The following ITGAE variants were observed in gnomAD, a reference collection of about 807,000 sequenced individuals.
ITGAE encodes the protein integrin alpha-E.
In ITGAE, 99 loss-of-function variants were observed where a neutral mutation model predicts 136.5. The observed-to-expected ratio is 0.73, with a 90% CI of 0.62 to 0.86. The LOEUF is 0.86. Among genes scored for constraint, ITGAE ranks in the 40% least tolerant of loss-of-function variants. The pLI, the probability that ITGAE is intolerant of heterozygous loss-of-function variation, is 0.00. For synonymous variants in ITGAE, 613 were observed against 591.8 expected, an observed-to-expected ratio of 1.04 and a Z score of -0.52; for missense variants, 1,447 against 1,515.3, an observed-to-expected ratio of 0.95 and a Z score of 0.75.
intron 2 of ITGAE, among the ~76,000 whole-genome samples, chr17:3,775,896 C>T (rs1193489768): frequency 6.6e-6 from 1 of 152,100 alleles, no homozygotes; most frequent in Non-Finnish European, 1.5e-5. Context: ...GTGGTGATCG[C>T]AATTCACACT....
At chr17:3,793,250 C>T (rs141715346) in intron 1 of ITGAE, among the ~76,000 whole-genome samples, 4,010 of 152,182 alleles carry the variant, frequency 0.026, 71 homozygotes, top group Non-Finnish European at 0.04. Flanking sequence ...GATGGGGTTT[C>T]GCCATATTGG....
At chr17:3,761,813 G>A (rs956639507) in intron 4 of ITGAE, 102 bp downstream of exon 4, 5 of 1,038,874 alleles carry the variant, frequency 4.8e-6, no homozygotes, top group East Asian at 2.5e-5. Context: ...ACTCAGCCTC[G>A]GGAACAGCAT....
rs113673714 is a variant in ITGAE, at chr17:3,749,215, T to C, written c.2024+1137A>G. Among the ~76,000 whole-genome samples the C allele has an allele frequency of 5.3e-3, 797 of 151,210 alleles. 9 individuals are homozygous for C. The highest frequency in any genetic ancestry group is 0.017 in the African/African-American group (686 of 41,176). On this transcript the variant is annotated intron_variant, in intron 16 of 30. Coordinates refer to ENST00000263087, the MANE Select transcript of ITGAE (RefSeq NM_002208.5). ...ACAGAAAGCCTGAGGGCAGGATAGA[T>C]TTGGGGGAATGAAGGGTGGGGGGAG...
At chr17:3,716,534 T>G (rs1323970987) in intron 30 of ITGAE, among the ~76,000 whole-genome samples, 154 bp downstream of exon 30, 1 of 152,222 alleles carries the variant, frequency 6.6e-6, no homozygotes, top group Non-Finnish European at 1.5e-5. Context: ...TTTACTCATT[T>G]GTCTAAATGG....
At chr17:3,746,054 C>CAT in intron 17 of ITGAE, 127 bp from the exon 18 acceptor site, 1 of 796,728 alleles carries the variant, frequency 1.3e-6, no homozygotes, top group Non-Finnish European at 2.0e-6. Context: ...TACTTCCCTG[C>CAT]GGCTGGACTC....
Position 3,758,901 on chromosome 17 carries a change from G to A in ITGAE, c.866+501C>T, listed in dbSNP as rs372823436. On this transcript the variant is annotated intron_variant, in intron 8 of 30. Transcript: ENST00000263087. ...AGCACTTTGGGAGGCCGAGGCGGGC[G>A]GATCACGAGGTCAGGAGATCGAGAC... 9.2e-5 allele frequency among the ~76,000 whole-genome samples: 14 copies of A among 151,672 alleles called. No homozygotes were observed. In the South Asian group the frequency reaches 2.3e-3, roughly 25 times the overall value.
In ITGAE at chr17:3,728,019, C is replaced by T. The variant is rs764764609; in HGVS notation, c.2984G>A (p.Gly995Glu). ...HHKEFLFHVH[G>E]ENLFGAEYQL... ...GTATTCTGCTCCAAAGAGGTTCTCCCCATGTACCTGCAAATTAAAATCAGA... is the reference window on the plus strand; with the variant it reads ...GTATTCTGCTCCAAAGAGGTTCTCCTCATGTACCTGCAAATTAAAATCAGA... Residue 995 changes from glycine to glutamate, a missense_variant, in exon 26 of 31, where the codon GGG (glycine) becomes GAG (glutamate). Physicochemically the swap from Gly to Glu is moderately conservative, Grantham distance 98. This residue lies in a region of ITGAE where 1,031 missense variants were observed against 1,011.4 expected (regional missense o/e 1.02). Coordinates refer to ENST00000263087, the MANE Select transcript of ITGAE (RefSeq NM_002208.5). 8.7e-6 allele frequency: 14 copies of T among 1,613,378 alleles called. No individual in the cohort carries two copies. The South Asian group carries it at 1.4e-4, about 16-fold the overall frequency.
At chr17:3,785,022 T>C (rs1200081098) in intron 1 of ITGAE, among the ~76,000 whole-genome samples, 2 of 152,070 alleles carry the variant, frequency 1.3e-5, no homozygotes, top group Non-Finnish European at 2.9e-5. Flanking sequence ...AATGGTGGCA[T>C]GCACCTATGG....
In ITGAE at chr17:3,723,755, A is replaced by T; in HGVS notation, c.3085-11T>A. On this transcript the variant is annotated splice_polypyrimidine_tract_variant and intron_variant, in intron 26 of 30. Coordinates refer to ENST00000263087, the MANE Select transcript of ITGAE (RefSeq NM_002208.5). The stretch of plus-strand genomic sequence containing the variant: ...GCACACCGTGGAGGCCTGAAACGAG[A>T]GCCATGACCGCGACGCGCTGAACAA... The T allele has an allele frequency of 6.2e-7, 1 of 1,606,868 alleles. No individual in the cohort carries two copies. The highest frequency in any genetic ancestry group is 1.7e-5 in the Admixed American group (1 of 58,854).
chr17:3,767,308 G>T (rs1018982724), intron 2 of ITGAE, among the ~76,000 whole-genome samples: 2 of 152,116 alleles, frequency 1.3e-5, no homozygotes, highest in Non-Finnish European at 1.5e-5. Flanking sequence ...ATGTTGGCCA[G>T]GCTGGTCTTG....
At chr17:3,727,802 A>G in intron 26 of ITGAE, 117 bp downstream of exon 26, 1 of 711,742 alleles carries the variant, frequency 1.4e-6, no homozygotes, top group Non-Finnish European at 2.5e-6. Context: ...TTTACTCCTA[A>G]TCTTTTCCCA....
At chr17:3,732,533 C>T (rs2051369406) in intron 21 of ITGAE, 67 bp from the exon 22 acceptor site, 3 of 1,318,412 alleles carry the variant, frequency 2.3e-6, no homozygotes, top group African/African-American at 2.9e-5. Flanking sequence ...GTGGTTTCCT[C>T]ACAGCAATTC....
intron 26 of ITGAE, 92 bp from the exon 27 acceptor site, chr17:3,723,836 G>C: frequency 3.9e-6 from 6 of 1,544,132 alleles, no homozygotes; most frequent in Non-Finnish European, 5.2e-6. Context: ...AGGTGCGCAT[G>C]CGCAGGGCCG....
At chr17:3,753,680 C>T (rs1012972369) in intron 13 of ITGAE, 103 bp downstream of exon 13, 3 of 1,435,524 alleles carry the variant, frequency 2.1e-6, no homozygotes, top group South Asian at 1.3e-5. Flanking sequence ...TTCACCCAGC[C>T]CGGGCCCTGG....
intron 14 of ITGAE, among the ~76,000 whole-genome samples, 165 bp downstream of exon 14, chr17:3,753,125 G>A (rs1050594180): frequency 1.3e-5 from 2 of 152,172 alleles, no homozygotes; most frequent in African/African-American, 2.4e-5. Flanking sequence ...AAGTGGGTGC[G>A]GAGAGCGATG....
At chr17:3,723,818 C>G (rs989037411) in intron 26 of ITGAE, 74 bp from the exon 27 acceptor site, 3 of 1,571,532 alleles carry the variant, frequency 1.9e-6, no homozygotes, top group Non-Finnish European at 2.6e-6. Flanking sequence ...CCGGCCCCGG[C>G]CCTGGCGAGG....
At chr17:3,767,842 C>A (rs2052334900) in intron 2 of ITGAE, among the ~76,000 whole-genome samples, 1 of 152,164 alleles carries the variant, frequency 6.6e-6, no homozygotes, top group South Asian at 2.1e-4. Flanking sequence ...CCAAGCTGAT[C>A]CTGGGCTCAA....
chr17:3,787,274 C>A (rs12602307), intron 1 of ITGAE, among the ~76,000 whole-genome samples: 1 of 151,476 alleles, frequency 6.6e-6, no homozygotes, highest in Non-Finnish European at 1.5e-5. Context: ...ACCACACCCG[C>A]CTAAGTTTTG....
chr17:3,800,283 G>A (rs912961156), intron 1 of ITGAE, among the ~76,000 whole-genome samples: 1 of 152,106 alleles, frequency 6.6e-6, no homozygotes, highest in African/African-American at 2.4e-5. Context: ...ATCTTTCAGG[G>A]AGAACTCAGC....
Sources: allele counts gnomAD v4.1 joint callset (sites outside exome capture counted in the v4.1 genomes callset), GRCh38; gene constraint gnomAD v4.1.1; regional missense constraint gnomAD v4.1.1; transcripts MANE v1.5; gene names NCBI Gene and HGNC (gene_info 2026-07-23, HGNC 2026-07-21).